Variants in CPEB3 observed in about 807,000 individuals in gnomAD.
CPEB3 encodes the protein cytoplasmic polyadenylation element-binding protein 3.
A neutral mutation model predicts 67.2 loss-of-function variants in CPEB3; 20 were observed. That is an observed-to-expected ratio of 0.30 (90% CI 0.21 to 0.43). The LOEUF is 0.43. CPEB3 is among the 20% of genes least tolerant of loss of function. CPEB3 has a pLI of 1.00. For missense variants in CPEB3, 746 were observed against 968.6 expected (o/e 0.77, Z 3.05); for synonymous variants, 376 against 393.1 (o/e 0.96, Z 0.51).
At chr10:92,270,559 C>CTTTT (rs571582158) in intron 1 of CPEB3, among the ~76,000 whole-genome samples, 4 of 124,868 alleles carry the variant, frequency 3.2e-5, no homozygotes, top group Non-Finnish European at 5.1e-5. Context: ...TTTTATATTA[C>CTTTT]TTTTTTTTTT....
intron 6 of CPEB3, among the ~76,000 whole-genome samples, chr10:92,114,093 A>G (rs12571139): frequency 0.39 from 59,917 of 151,928 alleles, 12,690 homozygotes; most frequent in African/African-American, 0.55. Flanking sequence ...AGACATGGCT[A>G]AACTCCCCCC....
intron 2 of CPEB3, among the ~76,000 whole-genome samples, chr10:92,237,636 A>G (rs1331850275): frequency 2.0e-5 from 3 of 152,222 alleles, no homozygotes; most frequent in African/African-American, 7.2e-5. Flanking sequence ...AAAACTCCCT[A>G]TAAGATTTTA....
chr10:92,271,118 G>A (rs1447391782), intron 1 of CPEB3, among the ~76,000 whole-genome samples: 1 of 152,188 alleles, frequency 6.6e-6, no homozygotes, highest in Non-Finnish European at 1.5e-5. Context: ...GAGAGGCGGA[G>A]GTTGCAGTGA....
rs749967338 is a variant in CPEB3 at position 92,240,289 on chromosome 10, C to CGCT, written c.59_61dup (p.Gln20dup). 4 of 1,514,886 alleles carry CGCT rather than the reference C, an allele frequency of 2.6e-6. No homozygotes were observed. Among genetic ancestry groups the CGCT allele is most frequent in the African/African-American group, 2.8e-5 (2 of 71,458 alleles). The allele number at this position is 1,514,886 out of a possible 1,614,324, so 93.8% of individuals were successfully genotyped here. ...CTCAGGTTGGGGCTGCTGCTGCTGC[C>CGCT]GCTGCTGCTGCTGGGGCTGGGGCTG... On this transcript the variant is annotated inframe_insertion, in exon 2 of 10. Transcript: ENST00000265997.
chr10:92,093,029 C>A (rs766631952), intron 7 of CPEB3, among the ~76,000 whole-genome samples: 4 of 152,106 alleles, frequency 2.6e-5, no homozygotes, highest in Admixed American at 2.0e-4. Flanking sequence ...AAAACATGAG[C>A]CTTTATGTAC....
At chr10:92,223,567 CTTTTTTTTTTTTTTTTTT>C (rs903904452) in intron 2 of CPEB3, among the ~76,000 whole-genome samples, 1 of 84,146 alleles carries the variant, frequency 1.2e-5, no homozygotes, top group African/African-American at 4.1e-5. Context: ...CTAATTATTT[CTTTTTTTTTTTTTTTTTT>C]TTTTTTTTGA....
At chr10:92,110,016 A>G (rs1844655638) in intron 7 of CPEB3, among the ~76,000 whole-genome samples, 1 of 152,206 alleles carries the variant, frequency 6.6e-6, no homozygotes, top group Non-Finnish European at 1.5e-5. Flanking sequence ...GAGCCTCTCA[A>G]CAACCCAGGG....
chr10:92,129,510 C>T (rs756209681), intron 6 of CPEB3, among the ~76,000 whole-genome samples: 15 of 152,136 alleles, frequency 9.9e-5, no homozygotes, highest in Non-Finnish European at 2.1e-4. Flanking sequence ...TGGGATGGTT[C>T]TGCTGTTCTG....
At chr10:92,067,628 G>A (rs1446120454) in intron 9 of CPEB3, among the ~76,000 whole-genome samples, 1 of 152,112 alleles carries the variant, frequency 6.6e-6, no homozygotes, top group Non-Finnish European at 1.5e-5. Flanking sequence ...AGACCAGCCT[G>A]ACCAACACGG....
At chr10:92,083,160 T>TAG (rs1843225955) in intron 8 of CPEB3, among the ~76,000 whole-genome samples, 1 of 152,186 alleles carries the variant, frequency 6.6e-6, no homozygotes. Context: ...TGGTGACTGT[T>TAG]TTCTAAGTGC....
chr10:92,181,407 T>C (rs1483800504), intron 3 of CPEB3, among the ~76,000 whole-genome samples: 3 of 141,224 alleles, frequency 2.1e-5, no homozygotes, highest in South Asian at 2.2e-4. Flanking sequence ...CAAACAAGTA[T>C]ATAAATTTGA....
chr10:92,063,654 C>T (rs895360422), intron 9 of CPEB3, among the ~76,000 whole-genome samples: 2 of 152,002 alleles, frequency 1.3e-5, no homozygotes, highest in Admixed American at 6.6e-5. Context: ...GTCTCAGCTA[C>T]TTGGGAGACT....
chr10:92,255,690 T>C (rs183551619), intron 1 of CPEB3, among the ~76,000 whole-genome samples: 1 of 152,340 alleles, frequency 6.6e-6, no homozygotes, highest in East Asian at 1.9e-4. Context: ...CCTATGGAAC[T>C]GTTAGTTAAT....
intron 4 of CPEB3, among the ~76,000 whole-genome samples, chr10:92,159,107 C>CA (rs1343970702): frequency 3.3e-5 from 5 of 150,064 alleles, no homozygotes; most frequent in Non-Finnish European, 7.4e-5. Flanking sequence ...ATTAAAAATA[C>CA]AAAAAATTGG....
chr10:92,174,688 G>T (rs914766843), intron 4 of CPEB3, among the ~76,000 whole-genome samples: 2 of 152,146 alleles, frequency 1.3e-5, no homozygotes, highest in Admixed American at 1.3e-4. Flanking sequence ...AAGGAAGAGT[G>T]AGGGTAAACA....
chr10:92,216,269 C>T (rs1850383815), intron 2 of CPEB3: 1 of 1,415,278 alleles, frequency 7.1e-7, no homozygotes, highest in African/African-American at 1.4e-5. Context: ...AACCCCATCT[C>T]TACTAAAAAC....
rs534272219 is a variant in CPEB3 at position 92,192,056 on chromosome 10, T to C, written c.1165+421A>G. Among the ~76,000 whole-genome samples, 11 of 152,326 alleles carry C rather than the reference T, an allele frequency of 7.2e-5. 1 individual carries two copies. In the East Asian group the frequency reaches 1.7e-3, roughly 24 times the overall value. The stretch of plus-strand genomic sequence containing the variant: ...GGAAGGGGATTATGCTGTAATAAAA[T>C]AGAAGTCCTTTATATGCAGTTTTCT... On this transcript the variant is annotated intron_variant, in intron 3 of 9. Coordinates refer to ENST00000265997, the MANE Select transcript of CPEB3 (RefSeq NM_014912.5).
chr10:92,236,391 GA>G (rs1164666031), intron 2 of CPEB3, among the ~76,000 whole-genome samples: 1 of 152,124 alleles, frequency 6.6e-6, no homozygotes, highest in Non-Finnish European at 1.5e-5. Context: ...CCAAAACCCA[GA>G]GAAACCAATA....
intron 7 of CPEB3, among the ~76,000 whole-genome samples, chr10:92,100,706 C>T (rs375862829): frequency 1.7e-4 from 26 of 152,344 alleles, no homozygotes; most frequent in East Asian, 1.2e-3. Flanking sequence ...ATTCTCCTGC[C>T]TCAGCCTCCC....
Sources: allele counts gnomAD v4.1 joint callset (sites outside exome capture counted in the v4.1 genomes callset), GRCh38; gene constraint gnomAD v4.1.1; transcripts MANE v1.5; gene names NCBI Gene and HGNC (gene_info 2026-07-23, HGNC 2026-07-21).